AFF2: variants seen among roughly 807,000 people sequenced by gnomAD.
AFF2 encodes the protein ALF transcription elongation factor 2, also known as AF4/FMR2 family member 2.
In AFF2, 14 loss-of-function variants were observed where a neutral mutation model predicts 76.9. The ratio of observed to expected loss-of-function variants is 0.18; its 90% confidence interval spans 0.12 to 0.28. The LOEUF is 0.28. AFF2 is among the 10% of genes least tolerant of loss of function. The pLI is 1.00. For missense variants in AFF2, 868 were observed against 1,001.1 expected, an observed-to-expected ratio of 0.87 and a Z score of 1.79; for synonymous variants, 398 against 366.7, an observed-to-expected ratio of 1.09 and a Z score of -0.98.
chrX:148,607,857 G>A (rs1418882615), intron 1 of AFF2, among the ~76,000 whole-genome samples: 3 of 111,655 alleles, frequency 2.7e-5, no homozygotes, highest in Admixed American at 1.9e-4. Flanking sequence ...GTGCCTGGCA[G>A]GCCATTGCTA....
chrX:148,501,942 C>T (rs1372619831), intron 1 of AFF2, among the ~76,000 whole-genome samples: 2 of 112,018 alleles, frequency 1.8e-5, no homozygotes, highest in East Asian at 5.6e-4. Context: ...CACAAAATAC[C>T]CTAAACTTGT....
At chrX:148,823,072 T>A (rs2070347381) in intron 4 of AFF2, among the ~76,000 whole-genome samples, 1 of 111,303 alleles carries the variant, frequency 9.0e-6, no homozygotes. Flanking sequence ...TCCCAGCACA[T>A]CCTCACACCC....
chrX:148,751,670 G>C (rs782135962), intron 3 of AFF2, among the ~76,000 whole-genome samples: 11 of 111,746 alleles, frequency 9.8e-5, no homozygotes, highest in Non-Finnish European at 2.1e-4. Context: ...TGATTAGAAA[G>C]CCCATCTTGT....
At chrX:148,530,084 T>C (rs1211685921) in intron 1 of AFF2, among the ~76,000 whole-genome samples, 4 of 111,323 alleles carry the variant, frequency 3.6e-5, no homozygotes, top group African/African-American at 1.3e-4. Flanking sequence ...CTGAGAAGAG[T>C]GCCTGGCATG....
At chrX:148,524,139 G>C (rs1204207428) in intron 1 of AFF2, among the ~76,000 whole-genome samples, 3 of 107,734 alleles carry the variant, frequency 2.8e-5, no homozygotes, top group South Asian at 4.2e-4. Context: ...GTGTGTGTGT[G>C]TGTGTGTGTG....
chrX:148,694,312 A>G (rs2054689268), intron 3 of AFF2, among the ~76,000 whole-genome samples: 1 of 111,529 alleles, frequency 9.0e-6, no homozygotes, highest in Non-Finnish European at 1.9e-5. Flanking sequence ...AACTTAAAGT[A>G]TAATAATAAA....
chrX:148,907,929 C>T (rs2071427254), intron 9 of AFF2, among the ~76,000 whole-genome samples: 1 of 110,070 alleles, frequency 9.1e-6, no homozygotes, highest in African/African-American at 3.3e-5. Flanking sequence ...CCAAAGCGAC[C>T]ATTTCAGAGG....
chrX:148,904,471 G>T (rs1439113709), intron 9 of AFF2: 3 of 365,216 alleles, frequency 8.2e-6, no homozygotes, highest in Non-Finnish European at 1.4e-5. Flanking sequence ...GCCCCAAGTT[G>T]TACCCAGTTT....
intron 7 of AFF2, among the ~76,000 whole-genome samples, chrX:148,852,195 G>A (rs193110413): frequency 1.0e-3 from 113 of 110,889 alleles, no homozygotes; most frequent in African/African-American, 3.5e-3. Flanking sequence ...ATACGTGTGC[G>A]TGTGTCTTTA....
At chrX:148,952,534 C>T (rs1037224966) in intron 9 of AFF2, among the ~76,000 whole-genome samples, 4 of 111,436 alleles carry the variant, frequency 3.6e-5, no homozygotes, top group African/African-American at 1.3e-4. Flanking sequence ...AGAACCTTCC[C>T]CCAAATTTAG....
At chrX:148,894,718 G>T (rs1557280118) in intron 8 of AFF2, among the ~76,000 whole-genome samples, 3 of 110,764 alleles carry the variant, frequency 2.7e-5, no homozygotes, top group Non-Finnish European at 5.7e-5. Flanking sequence ...ACTAAAAATA[G>T]AACTACTATA....
chrX:148,966,783 T>A lies in AFF2; in HGVS notation c.2914-7T>A. The A allele has an allele frequency of 5.8e-6, 7 of 1,209,242 alleles. No homozygotes were observed. The highest frequency in any genetic ancestry group is 7.8e-6 in the Non-Finnish European group (7 of 893,698). ...TAATGGAAACTATTTGTCCTCCTTTTTCCCAGGAGGGAGACACTCCAAAAA... is the reference window on the plus strand; with the variant it reads ...TAATGGAAACTATTTGTCCTCCTTTATCCCAGGAGGGAGACACTCCAAAAA... On this transcript the variant is annotated splice_region_variant and splice_polypyrimidine_tract_variant and intron_variant, in intron 13 of 20. Transcript: ENST00000370460.
intron 14 of AFF2, 139 bp downstream of exon 14, chrX:148,967,218 AC>A: frequency 4.5e-6 from 4 of 897,996 alleles, no homozygotes; most frequent in Non-Finnish European, 6.0e-6. Context: ...AGTCCACCCC[AC>A]CCCCTGCATA....
At chrX:148,541,160 T>C (rs2052849826) in intron 1 of AFF2, among the ~76,000 whole-genome samples, 1 of 112,282 alleles carries the variant, frequency 8.9e-6, no homozygotes, top group Admixed American at 9.4e-5. Flanking sequence ...AAAAAGGCAC[T>C]GTGGCTCAAC....
rs1239247952 is a variant in AFF2 at position 148,993,185 on chromosome X, A to G, written c.*1853A>G. 2 of 112,739 alleles carry G rather than the reference A, an allele frequency of 1.8e-5. No homozygotes were observed. The highest frequency in any genetic ancestry group is 3.8e-5 in the Non-Finnish European group (2 of 53,323). 9.3% of individuals were successfully genotyped at this position (112,739 alleles called of 1,213,427 possible). A position where few individuals can be genotyped will look rare whatever the true frequency, so the allele number is the denominator to read the frequency against. On this transcript the variant is annotated 3_prime_UTR_variant, in exon 21 of 21. Coordinates refer to ENST00000370460, the MANE Select transcript of AFF2 (RefSeq NM_002025.4). The stretch of plus-strand genomic sequence containing the variant: ...CCATGTTGTTAATATGGCTGATGGG[A>G]GCATCCCTGCAGCTGAACCCAGCAC...
intron 1 of AFF2, among the ~76,000 whole-genome samples, chrX:148,538,698 C>G (rs2073275436): frequency 8.9e-6 from 1 of 112,029 alleles, no homozygotes; most frequent in African/African-American, 3.2e-5. Context: ...GTGCCAAGTG[C>G]TTTGCATGTC....
chrX:148,646,607 G>A (rs1394916670), intron 1 of AFF2, among the ~76,000 whole-genome samples: 2 of 112,252 alleles, frequency 1.8e-5, no homozygotes, highest in Non-Finnish European at 3.8e-5. Context: ...AAACAAATTG[G>A]AATGATCAGA....
At chrX:148,870,192 G>A (rs782201323) in intron 7 of AFF2, among the ~76,000 whole-genome samples, 6 of 111,435 alleles carry the variant, frequency 5.4e-5, no homozygotes, top group South Asian at 3.8e-4. Context: ...TGGAGCTTCC[G>A]TCCATTCTTC....
intron 9 of AFF2, among the ~76,000 whole-genome samples, chrX:148,916,233 G>A (rs1409395401): frequency 1.6e-5 from 1 of 61,349 alleles, no homozygotes; most frequent in African/African-American, 7.4e-5. Flanking sequence ...TTTTTGAGAC[G>A]GAGTCTTGCT....
Sources: gnomAD v4.1 joint callset for allele counts (sites outside exome capture counted in the v4.1 genomes callset) on GRCh38, gnomAD v4.1.1 for gene constraint, MANE v1.5 for transcripts, NCBI Gene and HGNC (gene_info 2026-07-23, HGNC 2026-07-21) for gene names.